The following TRAK1 variants were observed in gnomAD, a reference collection of about 807,000 sequenced individuals.
TRAK1 encodes the protein trafficking kinesin-binding protein 1.
A neutral mutation model predicts 92.1 loss-of-function variants in TRAK1; 33 were observed. That is an observed-to-expected ratio of 0.36 (90% CI 0.27 to 0.48). TRAK1 has a LOEUF of 0.48. TRAK1 is among the 20% of genes least tolerant of loss of function. The pLI, the probability that TRAK1 is intolerant of heterozygous loss-of-function variation, is 0.99. For synonymous variants in TRAK1, 521 were observed against 517.3 expected, an observed-to-expected ratio of 1.01 and a Z score of -0.10; for missense variants, 1,123 against 1,257.9, an observed-to-expected ratio of 0.89 and a Z score of 1.62.
chr3:42,055,463 G>A (rs78607708), intron 1 of TRAK1, among the ~76,000 whole-genome samples: 12,784 of 152,128 alleles, frequency 0.084, 608 homozygotes, highest in Non-Finnish European at 0.11. Flanking sequence ...CATCACCACA[G>A]CAAATCTTAT....
chr3:42,069,145 G>A (rs1249702496), intron 1 of TRAK1, among the ~76,000 whole-genome samples: 1 of 152,014 alleles, frequency 6.6e-6, no homozygotes, highest in Non-Finnish European at 1.5e-5. Context: ...GAACAACATA[G>A]TGAGACCCTG....
chr3:42,085,405 G>T (rs1476514027), upstream of TRAK1, among the ~76,000 whole-genome samples: 1 of 152,168 alleles, frequency 6.6e-6, no homozygotes, highest in Non-Finnish European at 1.5e-5. Context: ...CTGACCTCAA[G>T]TGATCTGCCC....
At chr3:42,167,652 G>A (rs778957620) in intron 2 of TRAK1, among the ~76,000 whole-genome samples, 5 of 152,102 alleles carry the variant, frequency 3.3e-5, no homozygotes, top group African/African-American at 7.2e-5. Context: ...AGGCCGAGGC[G>A]GGTGGATCAC....
intron 14 of TRAK1, chr3:42,217,466 T>C (rs151218071): frequency 2.3e-5 from 23 of 985,294 alleles, no homozygotes; most frequent in South Asian, 4.7e-5. Flanking sequence ...TTGTATAAGA[T>C]GGGTTTGCTT....
At chr3:42,083,201 A>T (rs1200424091), upstream of TRAK1, among the ~76,000 whole-genome samples, 1 of 152,146 alleles carries the variant, frequency 6.6e-6, no homozygotes. Flanking sequence ...TTGTTTTTTT[A>T]AAATCACTGT....
At chr3:42,162,257 AT>A (rs1440368811) in intron 2 of TRAK1, among the ~76,000 whole-genome samples, 1 of 151,960 alleles carries the variant, frequency 6.6e-6, no homozygotes, top group Non-Finnish European at 1.5e-5. Context: ...TTTCATGTAT[AT>A]AATGTATATA....
At chr3:42,109,884 C>A (rs188807985) in intron 1 of TRAK1, among the ~76,000 whole-genome samples, 1 of 151,662 alleles carries the variant, frequency 6.6e-6, no homozygotes, top group Non-Finnish European at 1.5e-5. Flanking sequence ...TTCTCACTTA[C>A]AGGCGGGAAT....
chr3:42,039,851 T>C (rs976843361), intron 1 of TRAK1, among the ~76,000 whole-genome samples: 2 of 152,190 alleles, frequency 1.3e-5, no homozygotes, highest in East Asian at 3.8e-4. Flanking sequence ...CAGTGTATTA[T>C]GGTTTCATTC....
intron 1 of TRAK1, among the ~76,000 whole-genome samples, chr3:42,070,279 A>T (rs1440492641): frequency 2.0e-5 from 3 of 147,798 alleles, no homozygotes; most frequent in Non-Finnish European, 1.5e-5. Context: ...TATGAATAAT[A>T]ATTATAATTA....
chr3:42,023,744 G>GTTTTTTT (rs780080581), intron 1 of TRAK1, among the ~76,000 whole-genome samples: 1 of 99,054 alleles, frequency 1.0e-5, no homozygotes, highest in Non-Finnish European at 1.9e-5. Flanking sequence ...GCTCGTGAGG[G>GTTTTTTT]TTTTTTTTTT....
chr3:42,190,788 T>G, intron 6 of TRAK1, among the ~76,000 whole-genome samples: 1 of 150,778 alleles, frequency 6.6e-6, no homozygotes, highest in East Asian at 2.0e-4. Context: ...TCCCTCCCTC[T>G]CTCCCTTCCT....
chr3:42,043,601 T>C (rs1272134332), intron 1 of TRAK1, among the ~76,000 whole-genome samples: 1 of 151,396 alleles, frequency 6.6e-6, no homozygotes, highest in East Asian at 1.9e-4. Context: ...TGTGTCTTGT[T>C]TTCTCCATGG....
chr3:42,144,347 T>G (rs375909568), intron 2 of TRAK1, among the ~76,000 whole-genome samples: 2 of 152,112 alleles, frequency 1.3e-5, no homozygotes, highest in South Asian at 2.1e-4. Context: ...CCAGGCACTG[T>G]GCTAAGTGCT....
chr3:42,017,424 GGACAGAGATACACTGTTGTTA>G (rs1049917176), intron 1 of TRAK1, among the ~76,000 whole-genome samples: 2 of 152,134 alleles, frequency 1.3e-5, no homozygotes, highest in African/African-American at 2.4e-5. Context: ...TTTTATTCTT[GGACAGAGATACACTGTTGTTA>G]GACAGAGATA....
chr3:42,062,363 A>G (rs1559730957), intron 1 of TRAK1, among the ~76,000 whole-genome samples: 1 of 152,162 alleles, frequency 6.6e-6, no homozygotes, highest in Non-Finnish European at 1.5e-5. Flanking sequence ...TTTTCCTACT[A>G]GGGCCAATTT....
chr3:42,209,925 G>T lies in TRAK1; in HGVS notation c.1903G>T (p.Asp635Tyr), dbSNP rs941770406. 3.7e-6 allele frequency: 6 copies of T among 1,614,056 alleles called. No homozygotes were observed. The highest frequency in any genetic ancestry group is 2.2e-5 in the South Asian group (2 of 91,072). ...CGACTTTGAAGAAGATGACACAGGT[G>T]ACCACATTTCTCTCCCACGCCTAGC... ...LNDFEEDDTGDHISLPRLATS... is the reference protein window; with the variant it reads ...LNDFEEDDTGYHISLPRLATS... The change falls in exon 14 of 16, where the codon GAC (aspartate) becomes TAC (tyrosine). Residue 635 changes from aspartate (D) to tyrosine (Y), a missense_variant. By Grantham distance (160) the Asp-to-Tyr change is radical. Coordinates refer to ENST00000327628, the MANE Select transcript of TRAK1 (RefSeq NM_001042646.3).
At chr3:42,088,914 A>C (rs565901491), upstream of TRAK1, among the ~76,000 whole-genome samples, 1 of 151,780 alleles carries the variant, frequency 6.6e-6, no homozygotes, top group South Asian at 2.1e-4. Flanking sequence ...GCAGCACTTG[A>C]TCTCACCCAG....
chr3:42,088,339 C>T (rs77558894), upstream of TRAK1, among the ~76,000 whole-genome samples: 4,851 of 152,168 alleles, frequency 0.032, 283 homozygotes, highest in African/African-American at 0.11. Context: ...TGCTAGGCCC[C>T]CACACACCTC....
Position 42,193,911 on chromosome 3 carries a change from C to T in TRAK1, c.975+13C>T, listed in dbSNP as rs200463750. The T allele has an allele frequency of 9.9e-6, 16 of 1,612,300 alleles. No homozygotes were observed. In the African/African-American group the frequency reaches 1.9e-4, roughly 19 times the overall value. ...GCTCACAGCCGAGGTGAGCACCTCT[C>T]CCTCATTCCTTCAGTGCCTCTGATT... is the stretch of plus-strand genomic sequence containing the variant. On this transcript the variant is annotated intron_variant, in intron 9 of 15. Transcript: ENST00000327628.
Sources: gnomAD v4.1 joint callset for allele counts (sites outside exome capture counted in the v4.1 genomes callset) on GRCh38, gnomAD v4.1.1 for gene constraint, MANE v1.5 for transcripts, NCBI Gene and HGNC (gene_info 2026-07-23, HGNC 2026-07-21) for gene names.